The following DNMT1 variants were observed in gnomAD, a reference collection of about 807,000 sequenced individuals.
DNMT1 encodes DNA methyltransferase 1, also known as DNA (cytosine-5)-methyltransferase 1.
A neutral mutation model predicts 205.3 loss-of-function variants in DNMT1; 24 were observed. The ratio of observed to expected loss-of-function variants is 0.12; its 90% CI spans 0.08 to 0.16. The LOEUF (loss-of-function observed/expected upper bound fraction) is 0.16, where lower values mean the gene tolerates loss of function less well. DNMT1 is among the 10% of genes least tolerant of loss of function. The pLI is 1.00. For missense variants in DNMT1, 1,293 were observed against 2,177.7 expected, an observed-to-expected ratio of 0.59 and a Z score of 8.09; for synonymous variants, 817 against 839.8, an observed-to-expected ratio of 0.97 and a Z score of 0.47.
chr19:10,187,641 G>A (rs768394512), intron 1 of DNMT1, among the ~76,000 whole-genome samples: 4 of 145,186 alleles, frequency 2.8e-5, no homozygotes, highest in Admixed American at 6.9e-5. Flanking sequence ...AGGCCGAGGC[G>A]GAAGGATCAC....
Position 10,194,951 on chromosome 19 carries a change from C to G in DNMT1, c.-52G>C, listed in dbSNP as rs756100060. 1 of 1,559,922 alleles carries G rather than the reference C, an allele frequency of 6.4e-7. No individual in the cohort carries two copies. The highest frequency in any genetic ancestry group is 1.9e-5 in the Admixed American group (1 of 52,472). On this transcript the variant is annotated 5_prime_UTR_variant, in exon 1 of 41. Coordinates refer to ENST00000359526, the MANE Select transcript of DNMT1 (RefSeq NM_001130823.3). ...CGGCAGCGCAGGCGCCCCGGCTTTT[C>G]GCGCGGAAACCGATGGGGAGGGGCG...
intron 2 of DNMT1, among the ~76,000 whole-genome samples, chr19:10,181,532 TAAA>T (rs61381728): frequency 6.9e-6 from 1 of 145,028 alleles, no homozygotes. Flanking sequence ...TGAGATTGGT[TAAA>T]AAAAAAAAAA....
Position 10,133,360 on chromosome 19 carries a change from G to T in DNMT1, c.*307C>A, listed in dbSNP as rs2089414528. 2 of 463,356 alleles carry T rather than the reference G, an allele frequency of 4.3e-6. No homozygotes were observed. The highest frequency in any genetic ancestry group is 7.3e-5 in the East Asian group (2 of 27,234). 28.7% of individuals were successfully genotyped at this position (463,356 alleles called of 1,614,324 possible). A position where few individuals can be genotyped will look rare whatever the true frequency, so the allele number is the denominator to read the frequency against. On this transcript the variant is annotated 3_prime_UTR_variant, in exon 41 of 41. Coordinates refer to ENST00000359526, the MANE Select transcript of DNMT1 (RefSeq NM_001130823.3). The surrounding 1 kb of genome is among the most constrained non-coding windows in gnomAD (Gnocchi z 4.1). ...CCCACCCAGGGTGGTTTATAGGAGA[G>T]ATTTATTTGAAGAAATATTACAACA...
intron 1 of DNMT1, among the ~76,000 whole-genome samples, chr19:10,189,338 G>A (rs1428002045): frequency 1.3e-5 from 2 of 151,908 alleles, no homozygotes; most frequent in African/African-American, 4.8e-5. Flanking sequence ...AGCCAGGATG[G>A]TCTCGATCTC....
chr19:10,193,862 C>T (rs943889919), intron 1 of DNMT1, among the ~76,000 whole-genome samples: 1 of 152,146 alleles, frequency 6.6e-6, no homozygotes, highest in Non-Finnish European at 1.5e-5. Context: ...CTGACTCACG[C>T]ACACCTCACT....
intron 19 of DNMT1, among the ~76,000 whole-genome samples, chr19:10,155,613 G>A (rs1043661467): frequency 1.3e-5 from 2 of 152,146 alleles, no homozygotes; most frequent in Non-Finnish European, 2.9e-5. Context: ...AAAGTGCTGG[G>A]ATTACAGGTG....
At chr19:10,186,158 G>T (rs151205824) in intron 1 of DNMT1, among the ~76,000 whole-genome samples, 10 of 152,276 alleles carry the variant, frequency 6.6e-5, no homozygotes, top group African/African-American at 1.9e-4. Context: ...GGAGACCAAG[G>T]TGTCCTTGCA....
intron 1 of DNMT1, among the ~76,000 whole-genome samples, chr19:10,187,052 G>A (rs929214893): frequency 6.6e-6 from 1 of 151,794 alleles, no homozygotes; most frequent in Non-Finnish European, 1.5e-5. Context: ...ACGTGAGACT[G>A]GCCACATACA....
chr19:10,148,844 G>C lies in DNMT1; in HGVS notation c.2720+40C>G, dbSNP rs187826028. On this transcript the variant is annotated intron_variant, in intron 27 of 40. Coordinates refer to ENST00000359526, the MANE Select transcript of DNMT1 (RefSeq NM_001130823.3). ...ACGGGAAAAGGGAGTGATGTGGGCT[G>C]AAAGTGCCTGCTGACCCCGAGTCCA... The C allele has an allele frequency of 2.6e-4, 414 of 1,613,662 alleles. 1 individual carries two copies. Among genetic ancestry groups the C allele is most frequent in the Non-Finnish European group, 3.3e-4 (390 of 1,179,784 alleles).
chr19:10,171,859 T>C (rs1259023930), intron 9 of DNMT1, among the ~76,000 whole-genome samples: 2 of 150,232 alleles, frequency 1.3e-5, no homozygotes, highest in Non-Finnish European at 3.0e-5. Flanking sequence ...ACACAAAAAT[T>C]AGCCAGGTGT....
chr19:10,134,679 C>A (rs949100703), intron 39 of DNMT1, among the ~76,000 whole-genome samples: 1 of 151,766 alleles, frequency 6.6e-6, no homozygotes, highest in Non-Finnish European at 1.5e-5. Flanking sequence ...CATGGTGAAA[C>A]CCCGTCTCTA....
chr19:10,151,958 C>A lies in DNMT1; in HGVS notation c.2020-111G>T. On this transcript the variant is annotated intron_variant, in intron 22 of 40. Transcript: ENST00000359526. The surrounding 1 kb of genome is among the most constrained non-coding windows in gnomAD (Gnocchi z 5.0). ...GCAGATCACTTAAGGTCAGGAATTG[C>A]AGACCAGCCTGGCCAACGTGGTGAA... 1 of 1,027,452 alleles carries A rather than the reference C, an allele frequency of 9.7e-7. No homozygotes were observed. The highest frequency in any genetic ancestry group is 1.5e-6 in the Non-Finnish European group (1 of 660,302). 63.6% of individuals were successfully genotyped at this position (1,027,452 alleles called of 1,614,324 possible). A position where few individuals can be genotyped will look rare whatever the true frequency, so the allele number is the denominator to read the frequency against.
At chr19:10,152,989 G>A (rs901373998) in intron 22 of DNMT1, among the ~76,000 whole-genome samples, 3 of 150,940 alleles carry the variant, frequency 2.0e-5, no homozygotes, top group Non-Finnish European at 4.4e-5. Context: ...TGGTAAGTGA[G>A]AGAAATAAAA....
chr19:10,156,585 C>G lies in DNMT1; in HGVS notation c.1281-76G>C, dbSNP rs576875855. ...CTTCGTGCAGACTTCAGATCAGGCACGAGGCAATGAGAGAATGTACAAGTC... is the reference window on the plus strand; with the variant it reads ...CTTCGTGCAGACTTCAGATCAGGCAGGAGGCAATGAGAGAATGTACAAGTC... On this transcript the variant is annotated intron_variant, in intron 17 of 40. Transcript: ENST00000359526. This position sits in a 1 kb window ranked among gnomAD's most constrained non-coding sequence, Gnocchi z 4.2. 3.9e-6 allele frequency: 4 copies of G among 1,029,160 alleles called. No individual in the cohort carries two copies. Among genetic ancestry groups the G allele is most frequent in the African/African-American group, 3.2e-5 (2 of 63,376 alleles). 63.8% of individuals were successfully genotyped at this position (1,029,160 alleles called of 1,614,324 possible).
At chr19:10,194,645 C>A (rs2039369172) in intron 1 of DNMT1, 175 bp downstream of exon 1, 2 of 839,938 alleles carry the variant, frequency 2.4e-6, no homozygotes, top group Non-Finnish European at 3.5e-6. Flanking sequence ...ACAGCCCGGG[C>A]ACGCGCGACC....
Position 10,155,024 on chromosome 19 carries a change from G to A in DNMT1, c.1525C>T (p.Pro509Ser). ...AGCCCAAATATGGGCGCATACTCGG[G>A]ACTGGGATCCATCAGAATGTATTCG... ...FAEYILMDPS[P>S]EYAPIFGLMQ... Residue 509 changes from proline to serine, a missense_variant, in exon 20 of 41, where the codon CCC becomes TCC. Physicochemically the swap from Pro to Ser is moderately conservative, Grantham distance 74. Coordinates refer to ENST00000359526, the MANE Select transcript of DNMT1 (RefSeq NM_001130823.3). 1 of 1,614,154 alleles carries A rather than the reference G, an allele frequency of 6.2e-7. No individual in the cohort carries two copies. Among genetic ancestry groups the A allele is most frequent in the East Asian group, 2.2e-5 (1 of 44,880 alleles).
At position 10,149,030 on chromosome 19, in the gene DNMT1, G is replaced by A; in HGVS notation, c.2587-13C>T. 6.2e-7 allele frequency: 1 copy of A among 1,613,794 alleles called. No homozygotes were observed. The highest frequency in any genetic ancestry group is 8.5e-7 in the Non-Finnish European group (1 of 1,179,956). Reference sequence around the variant, plus strand: ...GATCCATGCCTCCCTTGGGAGATAAGAATGCGTGTCAGGCCAGGCGCAGTG... The same window carrying A: ...GATCCATGCCTCCCTTGGGAGATAAAAATGCGTGTCAGGCCAGGCGCAGTG... On this transcript the variant is annotated splice_polypyrimidine_tract_variant and intron_variant, in intron 26 of 40. Transcript: ENST00000359526.
chr19:10,141,596 C>G, intron 30 of DNMT1: 1 of 342,278 alleles, frequency 2.9e-6, no homozygotes, highest in Non-Finnish European at 5.5e-6. Context: ...TGGGCCCTCT[C>G]CATAACGAGG....
chr19:10,156,029 A>G lies in DNMT1; in HGVS notation c.1400-84T>C. 1 of 1,413,366 alleles carries G rather than the reference A, an allele frequency of 7.1e-7. No homozygotes were observed. Among genetic ancestry groups the G allele is most frequent in the African/African-American group, 1.4e-5 (1 of 70,790 alleles). The allele number at this position is 1,413,366 out of a possible 1,614,324, so 87.6% of individuals were successfully genotyped here. On this transcript the variant is annotated intron_variant, in intron 18 of 40. Coordinates refer to ENST00000359526, the MANE Select transcript of DNMT1 (RefSeq NM_001130823.3). The surrounding 1 kb of genome is among the most constrained non-coding windows in gnomAD (Gnocchi z 4.2). ...CGCTCTAAGCGCCCACTCAGCAGAC[A>G]TCCCATCAGCCAGGTCGGGTGCTCC... is the stretch of plus-strand genomic sequence containing the variant.
Sources: allele counts gnomAD v4.1 joint callset (sites outside exome capture counted in the v4.1 genomes callset), GRCh38; gene constraint gnomAD v4.1.1; non-coding constraint Gnocchi (gnomAD v3.1); transcripts MANE v1.5; gene names NCBI Gene and HGNC (gene_info 2026-07-23, HGNC 2026-07-21).